The following FA2H variants were observed in gnomAD, a reference collection of about 807,000 sequenced individuals.
FA2H encodes the protein fatty acid 2-hydroxylase, also known as fatty acid alpha-hydroxylase.
In FA2H, 22 loss-of-function variants were observed where a neutral mutation model predicts 44.9. The ratio of observed to expected loss-of-function variants is 0.49; its 90% confidence interval spans 0.35 to 0.70. FA2H has a LOEUF of 0.70. Ranked by LOEUF, FA2H falls within the 30% of genes least tolerant of loss-of-function variation. FA2H has a pLI of 0.01. For missense variants in FA2H, 501 were observed against 504.9 expected (o/e 0.99, Z 0.07); for synonymous variants, 243 against 213.2 (o/e 1.14, Z -1.22).
intron 1 of FA2H, among the ~76,000 whole-genome samples, chr16:74,755,602 A>G (rs1335708892): frequency 6.6e-6 from 1 of 152,202 alleles, no homozygotes; most frequent in Admixed American, 6.5e-5. Flanking sequence ...TGATTTCCAC[A>G]GGGTAACTAC....
At chr16:74,755,422 C>T (rs1239177504) in intron 1 of FA2H, among the ~76,000 whole-genome samples, 1 of 152,176 alleles carries the variant, frequency 6.6e-6, no homozygotes, top group Non-Finnish European at 1.5e-5. Flanking sequence ...TCAGGTGATC[C>T]ACCCGCCTCG....
chr16:74,772,938 G>A (rs1014939080), intron 1 of FA2H, among the ~76,000 whole-genome samples: 2 of 151,818 alleles, frequency 1.3e-5, no homozygotes, highest in Non-Finnish European at 2.9e-5. Context: ...CTGGAGTGCA[G>A]TGGCATGATC....
intron 5 of FA2H, among the ~76,000 whole-genome samples, chr16:74,717,878 G>T (rs1179883279): frequency 6.6e-6 from 1 of 152,210 alleles, no homozygotes; most frequent in Non-Finnish European, 1.5e-5. Context: ...GATCTGAAAA[G>T]GCTTCACAAA....
chr16:74,731,500 C>T (rs1962071330), intron 2 of FA2H, among the ~76,000 whole-genome samples: 1 of 152,062 alleles, frequency 6.6e-6, no homozygotes, highest in Non-Finnish European at 1.5e-5. Context: ...TGGAGTAGGT[C>T]TCCTCTGGTT....
intron 2 of FA2H, among the ~76,000 whole-genome samples, chr16:74,727,966 T>C (rs1961993913): frequency 6.6e-6 from 1 of 152,228 alleles, no homozygotes; most frequent in Admixed American, 6.5e-5. Context: ...TGCTAGGTGC[T>C]GGGAAGAATC....
chr16:74,718,406 CT>C (rs1961755552), intron 5 of FA2H, among the ~76,000 whole-genome samples: 1 of 152,144 alleles, frequency 6.6e-6, no homozygotes, highest in Admixed American at 6.5e-5. Flanking sequence ...GCAGACCTAT[CT>C]TCTCGGGCCA....
At position 74,716,389 on chromosome 16, in the gene FA2H, T is replaced by G. The variant is rs1202000392; in HGVS notation, c.997A>C (p.Lys333Gln). 6.2e-7 allele frequency: 1 copy of G among 1,613,996 alleles called. No homozygotes were observed. Among genetic ancestry groups the G allele is most frequent in the Non-Finnish European group, 8.5e-7 (1 of 1,179,986 alleles). The change falls in exon 6 of 7, where the codon AAG becomes CAG. Residue 333 changes from lysine (K) to glutamine (Q), a missense_variant. By Grantham distance (53) the Lys-to-Gln change is moderately conservative. Coordinates refer to ENST00000219368, the MANE Select transcript of FA2H (RefSeq NM_024306.5). ...PHKGSYLYSL[K>Q]AHHVKHHFAH... ...AAGTGGTGCTTGACGTGGTGGGCCTTCAGGCTGTACAGGTAGGAGCCCTTG... is the reference window on the plus strand; with the variant it reads ...AAGTGGTGCTTGACGTGGTGGGCCTGCAGGCTGTACAGGTAGGAGCCCTTG...
At chr16:74,719,532 G>A (rs977905383) in intron 4 of FA2H, among the ~76,000 whole-genome samples, 1 of 151,982 alleles carries the variant, frequency 6.6e-6, no homozygotes, top group African/African-American at 2.4e-5. Flanking sequence ...TTATTATCTT[G>A]AGACAAGGTA....
At chr16:74,747,918 AG>A (rs1962456079) in intron 1 of FA2H, among the ~76,000 whole-genome samples, 1 of 152,132 alleles carries the variant, frequency 6.6e-6, no homozygotes, top group Non-Finnish European at 1.5e-5. Context: ...CCGCCACCAA[AG>A]GAGAGGGAAT....
intron 1 of FA2H, among the ~76,000 whole-genome samples, chr16:74,765,179 A>G (rs930004938): frequency 1.5e-4 from 22 of 150,346 alleles, no homozygotes; most frequent in African/African-American, 5.4e-4. Flanking sequence ...TTTTTGATAC[A>G]AAGTCTCGCT....
At chr16:74,760,666 T>C (rs78966342) in intron 1 of FA2H, among the ~76,000 whole-genome samples, 1 of 152,116 alleles carries the variant, frequency 6.6e-6, no homozygotes, top group Non-Finnish European at 1.5e-5. Flanking sequence ...GTTTATGAAG[T>C]CTAGAAAGCA....
At chr16:74,771,315 C>G (rs1003155534) in intron 1 of FA2H, among the ~76,000 whole-genome samples, 4 of 152,026 alleles carry the variant, frequency 2.6e-5, no homozygotes, top group Admixed American at 2.6e-4. Flanking sequence ...CTCAGCCTCC[C>G]GAGCAGCTGG....
chr16:74,763,991 T>C (rs949269250), intron 1 of FA2H, among the ~76,000 whole-genome samples: 1 of 152,250 alleles, frequency 6.6e-6, no homozygotes, highest in Non-Finnish European at 1.5e-5. Flanking sequence ...ATTTGGATAA[T>C]AGTGTTTTGG....
At chr16:74,750,942 C>A (rs537672926) in intron 1 of FA2H, among the ~76,000 whole-genome samples, 2 of 151,930 alleles carry the variant, frequency 1.3e-5, no homozygotes, top group East Asian at 3.9e-4. Flanking sequence ...CCACAATGGC[C>A]GGCTAATCTG....
At chr16:74,737,141 G>C (rs1021335852) in intron 2 of FA2H, among the ~76,000 whole-genome samples, 1 of 152,120 alleles carries the variant, frequency 6.6e-6, no homozygotes, top group Admixed American at 6.6e-5. Flanking sequence ...CCAAAGGGAG[G>C]CTGGTCCCCC....
At position 74,741,829 on chromosome 16, in the gene FA2H, T is replaced by TGC. The variant is rs1555539925; in HGVS notation, c.271-1715_271-1714insGC. 1.0e-3 allele frequency among the ~76,000 whole-genome samples: 92 copies of TGC among 90,250 alleles called. 2 individuals carry two copies. Among genetic ancestry groups the TGC allele is most frequent in the Non-Finnish European group, 1.1e-3 (48 of 41,918 alleles). 59.2% of individuals were successfully genotyped at this position (90,250 alleles called of 152,430 possible). On this transcript the variant is annotated intron_variant, in intron 1 of 6. Coordinates refer to ENST00000219368, the MANE Select transcript of FA2H (RefSeq NM_024306.5). ...ATATATGTGTGTGTGTGTGTGTGTG[T>TGC]GTGTGTGTATGTGTGTGTATGTGTG...
chr16:74,740,211 G>T, intron 1 of FA2H, 96 bp from the exon 2 acceptor site: 1 of 962,988 alleles, frequency 1.0e-6, no homozygotes, highest in Non-Finnish European at 1.7e-6. Flanking sequence ...GGAGTGGTGA[G>T]AGCCCCGTGG....
intron 1 of FA2H, among the ~76,000 whole-genome samples, chr16:74,757,359 T>C (rs1962629543): frequency 6.6e-6 from 1 of 152,190 alleles, no homozygotes; most frequent in African/African-American, 2.4e-5. Flanking sequence ...GGTGAAAGTG[T>C]GGAGAAACAG....
intron 1 of FA2H, among the ~76,000 whole-genome samples, chr16:74,771,571 A>C (rs1962907261): frequency 6.6e-6 from 1 of 151,852 alleles, no homozygotes; most frequent in Non-Finnish European, 1.5e-5. Flanking sequence ...CCTGACCTCA[A>C]GTGATCCACC....
Sources: allele counts gnomAD v4.1 joint callset (sites outside exome capture counted in the v4.1 genomes callset), GRCh38; gene constraint gnomAD v4.1.1; transcripts MANE v1.5; gene names NCBI Gene and HGNC (gene_info 2026-07-23, HGNC 2026-07-21).